Variants in CEP97 observed in about 807,000 individuals in gnomAD.
CEP97 encodes centrosomal protein 97.
In CEP97, 43 loss-of-function variants were observed where a neutral mutation model predicts 73.1. The observed-to-expected ratio is 0.59, with a 90% CI of 0.46 to 0.76. CEP97 has a LOEUF of 0.76. Among genes scored for constraint, CEP97 ranks in the 30% least tolerant of loss-of-function variants. The pLI is 0.00. For missense variants in CEP97, 939 were observed against 1,014.0 expected (o/e 0.93, Z 1.00); for synonymous variants, 337 against 370.0 (o/e 0.91, Z 1.02).
At chr3:101,742,381 T>C (rs1228404424) in intron 6 of CEP97, among the ~76,000 whole-genome samples, 1 of 152,180 alleles carries the variant, frequency 6.6e-6, no homozygotes, top group East Asian at 1.9e-4. Context: ...GTGGCACATA[T>C]ACACCATGGA....
intron 6 of CEP97, among the ~76,000 whole-genome samples, chr3:101,751,623 A>T (rs930817233): frequency 2.0e-5 from 3 of 152,162 alleles, no homozygotes; most frequent in African/African-American, 7.2e-5. Context: ...TATATTTAGG[A>T]TAGTTAGCTC....
rs146422295 is a variant in CEP97 at position 101,730,750 on chromosome 3, G to A, written c.448-1090G>A. On this transcript the variant is annotated intron_variant, in intron 4 of 10. Coordinates refer to ENST00000341893, the MANE Select transcript of CEP97 (RefSeq NM_024548.4). The stretch of plus-strand genomic sequence containing the variant: ...TTGAAATCACAGTCTTGAAAAACAT[G>A]TAGAACATTTTAAATATTGTTGCCT... Among the ~76,000 whole-genome samples, 52 of 152,222 alleles carry A rather than the reference G, an allele frequency of 3.4e-4. 1 individual carries two copies. The highest frequency in any genetic ancestry group is 1.2e-3 in the African/African-American group (50 of 41,530).
In CEP97 at chr3:101,758,411, A is replaced by T. The variant is rs767066921; in HGVS notation, c.1805A>T (p.Asp602Val). 9 of 1,613,996 alleles carry T rather than the reference A, an allele frequency of 5.6e-6. No homozygotes were observed. The highest frequency in any genetic ancestry group is 7.6e-6 in the Non-Finnish European group (9 of 1,180,016). The change falls in exon 9 of 11, where the codon GAT becomes GTT. Residue 602 changes from aspartate to valine, a missense_variant. Transcript: ENST00000341893. ...RMQEHIVCLT[D>V]EIRRLRKERD... ...CAAGAGCACATTGTCTGCTTAACTG[A>T]TGAAATAAGGAGGTGGGTCAGAAGT... is the stretch of plus-strand genomic sequence containing the variant.
chr3:101,727,621 AG>A (rs758091236), intron 3 of CEP97, 80 bp downstream of exon 3: 1 of 1,311,470 alleles, frequency 7.6e-7, no homozygotes, highest in Middle Eastern at 1.9e-4. Flanking sequence ...CAAATTAAAA[AG>A]TGAAAGTACC....
Position 101,732,745 on chromosome 3 carries a change from T to C in CEP97, c.728+91T>C, listed in dbSNP as rs961585301. On this transcript the variant is annotated intron_variant, in intron 6 of 10. Transcript: ENST00000341893. ...AATAGAGTATTTCTTAAAATGTGCA[T>C]TTAGATAACAAGAGTATTAGTGCAG... 4 of 1,141,438 alleles carry C rather than the reference T, an allele frequency of 3.5e-6. No homozygotes were observed. The African/African-American group carries it at 4.7e-5, about 13-fold the overall frequency. 70.7% of individuals were successfully genotyped at this position (1,141,438 alleles called of 1,614,324 possible).
intron 6 of CEP97, among the ~76,000 whole-genome samples, chr3:101,752,464 C>A (rs1938862550): frequency 6.6e-6 from 1 of 152,182 alleles, no homozygotes. Context: ...TGGGGAAGTT[C>A]TCCTGGATAA....
At position 101,759,055 on chromosome 3, in the gene CEP97, A is replaced by C. The variant is rs370643247; in HGVS notation, c.1817+632A>C. 9.4e-4 allele frequency: 144 copies of C among 152,680 alleles called. 2 individuals are homozygous for C. The South Asian group carries it at 0.013, about 14-fold the overall frequency. 9.5% of individuals were successfully genotyped at this position (152,680 alleles called of 1,614,324 possible). ...TCAACAGGAGCAAGTGTTTCAGGAG[A>C]GATGAGAGGTGCCACAGAGAGGACA... On this transcript the variant is annotated intron_variant, in intron 9 of 10. Transcript: ENST00000341893.
chr3:101,745,952 G>A (rs1938601329), intron 6 of CEP97, among the ~76,000 whole-genome samples: 2 of 151,860 alleles, frequency 1.3e-5, no homozygotes, highest in Admixed American at 6.6e-5. Context: ...ACCCCTTCCT[G>A]TGTCCATGTG....
rs545912852 is a variant in CEP97 at position 101,767,334 on chromosome 3, C to CT, written c.*1790dup. The CT allele has an allele frequency of 9.9e-5, 15 of 152,104 alleles. No individual in the cohort carries two copies. Among genetic ancestry groups the CT allele is most frequent in the African/African-American group, 3.4e-4 (14 of 41,428 alleles). 9.4% of individuals were successfully genotyped at this position (152,104 alleles called of 1,614,324 possible). A position where few individuals can be genotyped will look rare whatever the true frequency, so the allele number is the denominator to read the frequency against. ...TGTTAAATAAAAATGGAATTTCTAA[C>CT]TTTTTTTCAATAGTGCTAATTATCT... On this transcript the variant is annotated 3_prime_UTR_variant, in exon 11 of 11. Transcript: ENST00000341893.
rs1397190269 is a variant in CEP97, at chr3:101,768,329, A to G, written c.*2778A>G. On this transcript the variant is annotated 3_prime_UTR_variant, in exon 11 of 11. Transcript: ENST00000341893. ...TCCAAAATTTTATTATGTCCTCTTA[A>G]TCTTTACATTTAGTGAGTCAGTAAG... The G allele has an allele frequency of 6.6e-6, 1 of 152,244 alleles. No homozygotes were observed. The highest frequency in any genetic ancestry group is 1.5e-5 in the Non-Finnish European group (1 of 68,048). The allele number at this position is 152,244 out of a possible 1,614,324, so 9.4% of individuals were successfully genotyped here.
chr3:101,754,067 T>TG (rs1938934774), intron 6 of CEP97, among the ~76,000 whole-genome samples: 2 of 114,088 alleles, frequency 1.8e-5, no homozygotes, highest in Non-Finnish European at 3.7e-5. Context: ...TTTTTTTTTT[T>TG]TAAGAAACAA....
chr3:101,748,027 G>A (rs1938677131), intron 6 of CEP97, among the ~76,000 whole-genome samples: 1 of 150,874 alleles, frequency 6.6e-6, no homozygotes, highest in Non-Finnish European at 1.5e-5. Context: ...AGCTACTTGG[G>A]AGGCTGAGGT....
chr3:101,729,091 C>A (rs1289705591), intron 4 of CEP97, among the ~76,000 whole-genome samples, 154 bp downstream of exon 4: 1 of 152,112 alleles, frequency 6.6e-6, no homozygotes. Context: ...TGCCTGTAAT[C>A]CCAGCACTTT....
At chr3:101,728,796 T>G (rs1420856758) in intron 3 of CEP97, 40 bp from the exon 4 acceptor site, 1 of 1,286,214 alleles carries the variant, frequency 7.8e-7, no homozygotes, top group South Asian at 1.2e-5. Context: ...ATTTTTTGAT[T>G]TTGTTTTCAT....
rs1939334837 is a variant in CEP97 at position 101,766,976 on chromosome 3, T to C, written c.*1425T>C. 6.6e-6 allele frequency: 1 copy of C among 152,150 alleles called. No homozygotes were observed. Among genetic ancestry groups the C allele is most frequent in the African/African-American group, 2.4e-5 (1 of 41,428 alleles). The allele number at this position is 152,150 out of a possible 1,614,324, so 9.4% of individuals were successfully genotyped here. On this transcript the variant is annotated 3_prime_UTR_variant, in exon 11 of 11. Coordinates refer to ENST00000341893, the MANE Select transcript of CEP97 (RefSeq NM_024548.4). ...TTTAAAGAGATGGAGGCTGGCTCTG[T>C]TGGTGCGGTGCCATGATCATAGTTC...
intron 9 of CEP97, among the ~76,000 whole-genome samples, chr3:101,759,782 G>T (rs1939119073): frequency 6.6e-6 from 1 of 152,126 alleles, no homozygotes; most frequent in Non-Finnish European, 1.5e-5. Flanking sequence ...CAGTGGTGTA[G>T]AGGGATGAAG....
chr3:101,728,300 T>G (rs1261830077), intron 3 of CEP97, among the ~76,000 whole-genome samples: 2 of 151,224 alleles, frequency 1.3e-5, no homozygotes, highest in East Asian at 1.9e-4. Context: ...GCTCTTATTG[T>G]CCAGGCTGGA....
chr3:101,757,858 A>G lies in CEP97; in HGVS notation c.1252A>G (p.Thr418Ala), dbSNP rs1181193077. The change falls in exon 9 of 11, where the codon ACA (threonine) becomes GCA (alanine). Residue 418 changes from threonine (T) to alanine (A), a missense_variant. Transcript: ENST00000341893. ...ATCAGGACTGTCTCCACTATCACCT[A>G]CAGTTGAGCTGAGGCTGCAGGGCAT... ...VASGLSPLSP[T>A]VELRLQGINL... 2.8e-5 allele frequency: 45 copies of G among 1,614,240 alleles called. No homozygotes were observed. Among genetic ancestry groups the G allele is most frequent in the Non-Finnish European group, 3.8e-5 (45 of 1,180,038 alleles).
chr3:101,725,878 T>G (rs887199445), intron 1 of CEP97, among the ~76,000 whole-genome samples: 16 of 71,426 alleles, frequency 2.2e-4, no homozygotes, highest in African/African-American at 4.9e-4. Flanking sequence ...TTTTTTTTTG[T>G]TTTTTTTTTT....
Sources: gnomAD v4.1 joint callset for allele counts (sites outside exome capture counted in the v4.1 genomes callset) on GRCh38, gnomAD v4.1.1 for gene constraint, MANE v1.5 for transcripts, NCBI Gene and HGNC (gene_info 2026-07-23, HGNC 2026-07-21) for gene names.